HIVEP1: variants seen among roughly 807,000 people sequenced by gnomAD.
HIVEP1 encodes zinc finger protein 40.
In HIVEP1, 36 loss-of-function variants were observed where a neutral mutation model predicts 180.0. The observed-to-expected ratio is 0.20, with a 90% CI of 0.15 to 0.26. HIVEP1 has a LOEUF of 0.26. HIVEP1 is among the 10% of genes least tolerant of loss of function. HIVEP1 has a pLI of 1.00. For missense variants in HIVEP1, 3,143 were observed against 3,268.7 expected (o/e 0.96, Z 0.94); for synonymous variants, 1,239 against 1,239.0 (o/e 1.00, Z 0.00).
At chr6:12,205,538 C>T in the HIVEP1 span, among the ~76,000 whole-genome samples, 2 of 151,932 alleles carry the variant, frequency 1.3e-5, no homozygotes, top group African/African-American at 4.8e-5. Context: ...TGGTTAAGTC[C>T]TCGGGTCTTG....
At chr6:12,097,863 A>T (rs1773866933) in intron 3 of HIVEP1, among the ~76,000 whole-genome samples, 2 of 152,170 alleles carry the variant, frequency 1.3e-5, no homozygotes, top group Admixed American at 1.3e-4. Context: ...TTAAGTTCAG[A>T]ATCCTAAAAC....
At position 12,120,062 on chromosome 6, in the gene HIVEP1, T is replaced by C. The variant is rs759235443; in HGVS notation, c.267T>C (p.Ser89=). Reference sequence around the variant, plus strand: ...AGTCATCTTTCGCCGTTCTTCATAGTGCTTCGGAGTCTCACAAGAAACAGA... The same window carrying C: ...AGTCATCTTTCGCCGTTCTTCATAGCGCTTCGGAGTCTCACAAGAAACAGA... ...TEESSFAVLH[S]ASESHKKQNY... is the part of the protein sequence containing the mutation. The change falls in exon 4 of 9, where the codon AGT becomes AGC. Residue 89 remains serine, a synonymous_variant. Coordinates refer to ENST00000379388, the MANE Select transcript of HIVEP1 (RefSeq NM_002114.4). 13 of 1,612,792 alleles carry C rather than the reference T, an allele frequency of 8.1e-6. No individual in the cohort carries two copies. The highest frequency in any genetic ancestry group is 1.1e-5 in the Non-Finnish European group (13 of 1,179,718).
chr6:12,125,301 G>A lies in HIVEP1; in HGVS notation c.5506G>A (p.Ala1836Thr), dbSNP rs1757990067. The A allele has an allele frequency of 2.5e-6, 4 of 1,613,770 alleles. No individual in the cohort carries two copies. The East Asian group carries it at 8.9e-5, about 36-fold the overall frequency. Residue 1836 changes from alanine (A) to threonine (T), a missense_variant, in exon 4 of 9, where the codon GCT becomes ACT. Coordinates refer to ENST00000379388, the MANE Select transcript of HIVEP1 (RefSeq NM_002114.4). The part of the protein sequence containing the change: ...EAVNLTNVLP[A>T]DNSSTGCSKF... The stretch of plus-strand genomic sequence containing the variant: ...TGTTAATTTGACAAATGTTTTACCA[G>A]CTGATAATTCATCAACAGGATGCTC...
intron 2 of HIVEP1, among the ~76,000 whole-genome samples, chr6:12,034,562 A>G (rs753328920): frequency 6.6e-6 from 1 of 152,214 alleles, no homozygotes; most frequent in Non-Finnish European, 1.5e-5. Context: ...AACAGCTGCA[A>G]AGTGATAAGG....
chr6:12,124,604 C>A lies in HIVEP1; in HGVS notation c.4809C>A (p.Thr1603=), dbSNP rs1459720711. The A allele has an allele frequency of 6.2e-7, 1 of 1,614,134 alleles. No individual in the cohort carries two copies. The highest frequency in any genetic ancestry group is 1.7e-5 in the Admixed American group (1 of 60,018). The change falls in exon 4 of 9, where the codon ACC becomes ACA. Residue 1603 remains threonine (T), a synonymous_variant. Coordinates refer to ENST00000379388, the MANE Select transcript of HIVEP1 (RefSeq NM_002114.4). ...GTGTGACATCAGCAACATTACCAAC[C>A]AAATTAATTGACAGCATGTCTAATT... ...DHCVTSATLP[T]KLIDSMSNSH...
Position 12,075,485 on chromosome 6 carries a change from C to T in HIVEP1, c.41-13699C>T, listed in dbSNP as rs75258487. Among the ~76,000 whole-genome samples, 410 of 152,254 alleles carry T rather than the reference C, an allele frequency of 2.7e-3. 3 individuals are homozygous for T. Among genetic ancestry groups the T allele is most frequent in the African/African-American group, 9.4e-3 (390 of 41,548 alleles). ...TGGCCTTTAGCTGCTTCACCTCACT[C>T]GTCTTGCACTGTCACATGTCATTTC... On this transcript the variant is annotated intron_variant, in intron 2 of 8. Coordinates refer to ENST00000379388, the MANE Select transcript of HIVEP1 (RefSeq NM_002114.4).
At chr6:12,020,335 C>T (rs1473880723) in intron 2 of HIVEP1, 6 of 471,102 alleles carry the variant, frequency 1.3e-5, no homozygotes, top group East Asian at 6.9e-5. Flanking sequence ...ACTTGGTGTT[C>T]AGAAGAAAGG....
intron 7 of HIVEP1, among the ~76,000 whole-genome samples, chr6:12,153,947 A>G (rs1336398080): frequency 6.6e-6 from 1 of 152,214 alleles, no homozygotes; most frequent in African/African-American, 2.4e-5. Context: ...CAGGTGTTCA[A>G]GACCCGCCTG....
chr6:12,022,696 G>A (rs1448339187), intron 2 of HIVEP1, among the ~76,000 whole-genome samples: 1 of 152,134 alleles, frequency 6.6e-6, no homozygotes, highest in African/African-American at 2.4e-5. Flanking sequence ...GTAAAAAACT[G>A]GTTTATGTCA....
chr6:12,157,554 C>A (rs901794497), intron 7 of HIVEP1, among the ~76,000 whole-genome samples: 2 of 152,158 alleles, frequency 1.3e-5, no homozygotes, highest in Non-Finnish European at 2.9e-5. Flanking sequence ...AGTTTATACA[C>A]AGCTCCTTCT....
At chr6:12,062,079 C>G (rs1771275563) in intron 2 of HIVEP1, among the ~76,000 whole-genome samples, 2 of 152,226 alleles carry the variant, frequency 1.3e-5, no homozygotes, top group Non-Finnish European at 1.5e-5. Context: ...AACTAGTTGC[C>G]TAAGTCAAAT....
intron 3 of HIVEP1, among the ~76,000 whole-genome samples, chr6:12,119,676 G>A (rs150827171): frequency 1.0e-3 from 156 of 152,280 alleles, no homozygotes; most frequent in African/African-American, 3.6e-3. Flanking sequence ...TGCACACTTA[G>A]GTCTTTGAAT....
intron 2 of HIVEP1, among the ~76,000 whole-genome samples, chr6:12,030,516 A>C (rs933334481): frequency 1.3e-5 from 2 of 152,278 alleles, no homozygotes; most frequent in African/African-American, 2.4e-5. Flanking sequence ...ATCTTCAAAT[A>C]TATGGATTGT....
At chr6:12,027,275 G>T (rs1768646255) in intron 2 of HIVEP1, among the ~76,000 whole-genome samples, 1 of 152,204 alleles carries the variant, frequency 6.6e-6, no homozygotes, top group South Asian at 2.1e-4. Context: ...ATTATTAGGG[G>T]AACCTAGGTA....
At chr6:12,043,402 C>G (rs969013387) in intron 2 of HIVEP1, among the ~76,000 whole-genome samples, 1 of 144,720 alleles carries the variant, frequency 6.9e-6, no homozygotes, top group East Asian at 2.0e-4. Flanking sequence ...TACTCTGTCA[C>G]CCAGGCTGGA....
At chr6:12,066,651 G>C (rs889766084) in intron 2 of HIVEP1, among the ~76,000 whole-genome samples, 20 of 152,084 alleles carry the variant, frequency 1.3e-4, no homozygotes, top group African/African-American at 4.8e-4. Context: ...TGAATTTTTT[G>C]ACTGCTTAGA....
chr6:12,015,353 G>T (rs928452617), intron 1 of HIVEP1, among the ~76,000 whole-genome samples, 173 bp from the exon 2 acceptor site: 3 of 152,056 alleles, frequency 2.0e-5, no homozygotes, highest in African/African-American at 7.2e-5. Context: ...GAGAAGTCCC[G>T]ATACTGACAA....
At chr6:12,126,789 C>T (rs1758099481) in intron 4 of HIVEP1, among the ~76,000 whole-genome samples, 1 of 152,074 alleles carries the variant, frequency 6.6e-6, no homozygotes, top group African/African-American at 2.4e-5. Context: ...AAACATACTC[C>T]AAAGGTGGTG....
chr6:12,078,578 A>G (rs1772532334), intron 2 of HIVEP1, among the ~76,000 whole-genome samples: 1 of 150,940 alleles, frequency 6.6e-6, no homozygotes, highest in African/African-American at 2.4e-5. Context: ...CCCAGGTAAT[A>G]GCAGCACCTT....
Sources: gnomAD v4.1 joint callset for allele counts (sites outside exome capture counted in the v4.1 genomes callset) on GRCh38, gnomAD v4.1.1 for gene constraint, MANE v1.5 for transcripts, NCBI Gene and HGNC (gene_info 2026-07-23, HGNC 2026-07-21) for gene names.